The following OR1J2 variants were observed in gnomAD, a reference collection of about 807,000 sequenced individuals.
The protein encoded by OR1J2 is olfactory receptor 1J2.
For missense variants in OR1J2, 304 were observed against 246.1 expected (o/e 1.24, Z -1.57); for synonymous variants, 142 against 99.7 (o/e 1.42, Z -2.52).
At chr9:122,477,274 T>C in the OR1J2 span, 1,121 of 1,614,078 alleles carry the variant, frequency 6.9e-4, 1 homozygote, top group Middle Eastern at 2.8e-3. Context: ...AATGTGACCA[T>C]AAGAAACCAG....
At chr9:122,487,458 A>AACACACAG in the OR1J2 span, among the ~76,000 whole-genome samples, 1 of 148,980 alleles carries the variant, frequency 6.7e-6, no homozygotes, top group East Asian at 2.0e-4. Context: ...GGAGATGATT[A>AACACACAG]ACACACACAC....
chr9:122,507,204 G>A (rs1277254594), upstream of OR1J2, among the ~76,000 whole-genome samples: 2 of 152,164 alleles, frequency 1.3e-5, no homozygotes, highest in Middle Eastern at 3.2e-3. Flanking sequence ...ATGTTTGCTT[G>A]TGTCAGAACT....
chr9:122,577,903 C>T, the OR1J2 span, among the ~76,000 whole-genome samples: 1 of 152,122 alleles, frequency 6.6e-6, no homozygotes, highest in Non-Finnish European at 1.5e-5. Flanking sequence ...CATAGAAATT[C>T]AATATGTGGT....
At chr9:122,484,907 G>A in the OR1J2 span, among the ~76,000 whole-genome samples, 4 of 152,022 alleles carry the variant, frequency 2.6e-5, no homozygotes, top group Non-Finnish European at 4.4e-5. Flanking sequence ...GGTGGTATGC[G>A]CCTGTGGTCC....
chr9:122,513,629 A>G (rs1828665923), downstream of OR1J2, among the ~76,000 whole-genome samples: 1 of 152,080 alleles, frequency 6.6e-6, no homozygotes, highest in Non-Finnish European at 1.5e-5. Flanking sequence ...GCATGTATCA[A>G]CCGGTCATTT....
At chr9:122,520,101 A>G in the OR1J2 span, 2 of 1,571,894 alleles carry the variant, frequency 1.3e-6, no homozygotes, top group Non-Finnish European at 1.7e-6. Context: ...CTTCTTTATA[A>G]CAGACATATG....
At chr9:122,497,017 C>T in the OR1J2 span, among the ~76,000 whole-genome samples, 1 of 152,076 alleles carries the variant, frequency 6.6e-6, no homozygotes, top group African/African-American at 2.4e-5. Context: ...TCCTAAAGGC[C>T]AGTCTTACTC....
the OR1J2 span, among the ~76,000 whole-genome samples, chr9:122,528,880 A>T: frequency 1.3e-5 from 2 of 152,244 alleles, no homozygotes; most frequent in Non-Finnish European, 2.9e-5. Flanking sequence ...ATGCTCTCAG[A>T]CAGGTGTTCT....
the OR1J2 span, chr9:122,519,884 G>A: frequency 6.2e-7 from 1 of 1,614,146 alleles, no homozygotes; most frequent in Non-Finnish European, 8.5e-7. Context: ...TCTCTGTGGT[G>A]TCTCTGTATT....
chr9:122,537,334 T>C, the OR1J2 span, among the ~76,000 whole-genome samples: 11 of 152,370 alleles, frequency 7.2e-5, no homozygotes, highest in Non-Finnish European at 1.5e-4. Flanking sequence ...TTTTAACTAC[T>C]GGGTTTAGGC....
chr9:122,512,057 T>G (rs1410488255), downstream of OR1J2, among the ~76,000 whole-genome samples: 1 of 152,232 alleles, frequency 6.6e-6, no homozygotes, highest in East Asian at 1.9e-4. Context: ...TATATATTTT[T>G]GGCCTATAAT....
the OR1J2 span, among the ~76,000 whole-genome samples, chr9:122,539,620 G>C: frequency 6.6e-6 from 1 of 152,120 alleles, no homozygotes; most frequent in African/African-American, 2.4e-5. Flanking sequence ...AATCCTTTGG[G>C]TATATACCCA....
At chr9:122,451,979 C>T in the OR1J2 span, among the ~76,000 whole-genome samples, 24 of 152,092 alleles carry the variant, frequency 1.6e-4, no homozygotes, top group South Asian at 4.1e-4. Context: ...CCCGGGTTCA[C>T]GCCATTCTCC....
At chr9:122,563,894 C>T in the OR1J2 span, among the ~76,000 whole-genome samples, 1 of 152,212 alleles carries the variant, frequency 6.6e-6, no homozygotes, top group Non-Finnish European at 1.5e-5. Context: ...GTATTCTTCA[C>T]ACCTTTGTCA....
chr9:122,467,933 G>A, the OR1J2 span, among the ~76,000 whole-genome samples: 44 of 152,244 alleles, frequency 2.9e-4, no homozygotes, highest in East Asian at 7.7e-3. Context: ...TTATTCCAGG[G>A]GATCAAGCCA....
the OR1J2 span, chr9:122,554,285 A>C: frequency 1.7e-6 from 1 of 594,380 alleles, no homozygotes; most frequent in Non-Finnish European, 2.8e-6. Context: ...TGAGTTAGGG[A>C]TGTAAAAAAA....
chr9:122,448,115 T>C, the OR1J2 span, among the ~76,000 whole-genome samples: 1 of 152,154 alleles, frequency 6.6e-6, no homozygotes, highest in African/African-American at 2.4e-5. Context: ...TATTGATTAC[T>C]ATTTTCACTA....
the OR1J2 span, among the ~76,000 whole-genome samples, chr9:122,493,700 C>G: frequency 6.6e-6 from 1 of 151,912 alleles, no homozygotes. Flanking sequence ...TCATTTAGTT[C>G]TGCTTTGGTC....
the OR1J2 span, among the ~76,000 whole-genome samples, chr9:122,557,185 T>A: frequency 6.6e-6 from 1 of 152,160 alleles, no homozygotes; most frequent in Non-Finnish European, 1.5e-5. Context: ...AAAGACAGTT[T>A]TATTTATTCC....
Sources: allele counts gnomAD v4.1 joint callset (sites outside exome capture counted in the v4.1 genomes callset), GRCh38; gene constraint gnomAD v4.1.1; transcripts MANE v1.5; gene names NCBI Gene and HGNC (gene_info 2026-07-23, HGNC 2026-07-21).